Variants in LIPM observed in about 807,000 individuals in gnomAD.
LIPM encodes the protein lipase family member M.
LIPM carries 42 observed loss-of-function variants against 42.4 expected under a neutral mutation model. The ratio of observed to expected loss-of-function variants is 0.99; its 90% CI spans 0.77 to 1.28. The LOEUF (loss-of-function observed/expected upper bound fraction) is 1.28, where lower values mean the gene tolerates loss of function less well. Among genes scored for constraint, LIPM ranks in the 50% most tolerant of loss-of-function variants. The probability of loss-of-function intolerance (pLI) is 0.00; values close to 1 mark genes in which losing one functional copy is unlikely to be tolerated. For missense variants in LIPM, 524 were observed against 520.1 expected (o/e 1.01, Z -0.07); for synonymous variants, 177 against 173.3 (o/e 1.02, Z -0.17).
chr10:88,808,330 T>G lies in LIPM; in HGVS notation c.180T>G (p.Cys60Trp), dbSNP rs1278427946. Residue 60 changes from cysteine (C) to tryptophan (W), a missense_variant, in exon 2 of 9, where the codon TGT becomes TGG. Transcript: ENST00000404743. ...SEIIQHQGYP[C>W]EEYEVATEDG... Reference sequence around the variant, plus strand: ...TCATCCAACATCAAGGCTATCCCTGTGAGGAATATGAAGTCGCAACTGAAG... The same window carrying G: ...TCATCCAACATCAAGGCTATCCCTGGGAGGAATATGAAGTCGCAACTGAAG... 17 of 1,550,364 alleles carry G rather than the reference T, an allele frequency of 1.1e-5. No homozygotes were observed.
chr10:88,809,048 G>A (rs1294741442), intron 2 of LIPM, among the ~76,000 whole-genome samples: 1 of 151,752 alleles, frequency 6.6e-6, no homozygotes, highest in Admixed American at 6.6e-5. Flanking sequence ...TCCGCCTCCT[G>A]GGTTCAAGCA....
At chr10:88,804,592 A>G (rs1014746118) in intron 1 of LIPM, among the ~76,000 whole-genome samples, 1 of 152,074 alleles carries the variant, frequency 6.6e-6, no homozygotes, top group African/African-American at 2.4e-5. Flanking sequence ...AACAGCAAGA[A>G]CCAGCAGTGG....
chr10:88,815,374 A>G lies in LIPM; in HGVS notation c.729A>G (p.Lys243=), dbSNP rs928740656. The G allele has an allele frequency of 1.9e-5, 29 of 1,551,630 alleles. No individual in the cohort carries two copies. In the Admixed American group the frequency reaches 2.9e-4, roughly 16 times the overall value. ...TTTCACAGGGATTGTTTGGCAAAAAAGAATTTCTGTATCAGACCAGATTTC... is the reference window on the plus strand; with the variant it reads ...TTTCACAGGGATTGTTTGGCAAAAAGGAATTTCTGTATCAGACCAGATTTC... ...DMMIKGLFGK[K]EFLYQTRFLR... The change falls in exon 6 of 9, where the codon AAA becomes AAG. Residue 243 remains lysine, a synonymous_variant. Transcript: ENST00000404743.
intron 3 of LIPM, among the ~76,000 whole-genome samples, 171 bp downstream of exon 3, chr10:88,813,466 G>A (rs942293336): frequency 6.6e-6 from 1 of 152,148 alleles, no homozygotes; most frequent in Admixed American, 6.6e-5. Flanking sequence ...TTGAAGTAGT[G>A]AGGAATGCTG....
At chr10:88,805,606 A>G (rs1843576404) in intron 1 of LIPM, among the ~76,000 whole-genome samples, 2 of 152,232 alleles carry the variant, frequency 1.3e-5, no homozygotes, top group South Asian at 4.1e-4. Context: ...TGTTTTCTTA[A>G]GAAGAAATGT....
intron 8 of LIPM, 113 bp downstream of exon 8, chr10:88,818,009 G>T: frequency 1.2e-6 from 1 of 823,460 alleles, no homozygotes; most frequent in Admixed American, 2.4e-5. Flanking sequence ...AATTTAAGCA[G>T]AAAATAATGG....
At chr10:88,810,644 T>G (rs1468196011) in intron 2 of LIPM, among the ~76,000 whole-genome samples, 1 of 152,216 alleles carries the variant, frequency 6.6e-6, no homozygotes, top group African/African-American at 2.4e-5. Context: ...CTTAGTTGGC[T>G]TCAATATCAA....
rs765368181 is a variant in LIPM, at chr10:88,814,533, T to C, written c.468T>C (p.Tyr156=). 2 of 1,547,684 alleles carry C rather than the reference T, an allele frequency of 1.3e-6. No individual in the cohort carries two copies. Among genetic ancestry groups the C allele is most frequent in the African/African-American group, 1.4e-5 (1 of 72,932 alleles). The stretch of plus-strand genomic sequence containing the variant: ...ACTTTGTCTTTTCCCCTTGTAGTTA[T>C]GATGAGATGGCTAGGTTTGACCTTC... ...IDQDEFWAFS[Y]DEMARFDLPA... The change falls in exon 4 of 9, where the codon TAT becomes TAC. Residue 156 remains tyrosine, a synonymous_variant. Transcript: ENST00000404743.
Position 88,820,300 on chromosome 10 carries a change from C to A in LIPM, c.1071C>A (p.Asp357Glu). The change falls in exon 9 of 9, where the codon GAC (aspartate) becomes GAA (glutamate). Residue 357 changes from aspartate to glutamate, a missense_variant. Transcript: ENST00000404743. The stretch of plus-strand genomic sequence containing the variant: ...CAGCAATGTGGACAGGAGGTCAGGA[C>A]TGGCTTTCAAATCCAGAAGACGTGA... ...VPTAMWTGGQ[D>E]WLSNPEDVKM... is the part of the protein sequence containing the mutation. 6.4e-7 allele frequency: 1 copy of A among 1,552,086 alleles called. No homozygotes were observed.
At position 88,815,117 on chromosome 10, in the gene LIPM, C is replaced by G. The variant is rs767255392; in HGVS notation, c.604C>G (p.Leu202Val). The change falls in exon 5 of 9, where the codon CTG (leucine) becomes GTG (valine). Residue 202 changes from leucine (L) to valine (V), a missense_variant. By Grantham distance (32) the Leu-to-Val change is conservative. Coordinates refer to ENST00000404743, the MANE Select transcript of LIPM (RefSeq NM_001128215.1). ...GFIAFSTMPE[L>V]AQKIKMYFAL... The stretch of plus-strand genomic sequence containing the variant: ...TATTGCATTTTCCACCATGCCAGAG[C>G]TGGCTCAGAAAATCAAAATGTATTT... The G allele has an allele frequency of 3.6e-5, 56 of 1,550,592 alleles. No homozygotes were observed. The African/African-American group carries it at 6.7e-4, about 19-fold the overall frequency.
At chr10:88,805,009 G>C (rs944744541) in intron 1 of LIPM, among the ~76,000 whole-genome samples, 1 of 152,138 alleles carries the variant, frequency 6.6e-6, no homozygotes, top group Non-Finnish European at 1.5e-5. Flanking sequence ...GTCCTGCATT[G>C]ATTTGACTCT....
At chr10:88,803,404 T>A (rs1177060317) in intron 1 of LIPM, among the ~76,000 whole-genome samples, 1 of 152,188 alleles carries the variant, frequency 6.6e-6, no homozygotes, top group Non-Finnish European at 1.5e-5. Flanking sequence ...TTTTATTCTT[T>A]TTTTCCATAT....
At position 88,808,253 on chromosome 10, in the gene LIPM, G is replaced by A. The variant is rs12414211; in HGVS notation, c.148-45G>A. The stretch of plus-strand genomic sequence containing the variant: ...CTTACTTTTGGATCATTGAGAATAT[G>A]GCCACAGAGAACTGAACCTAAAAGA... On this transcript the variant is annotated intron_variant, in intron 1 of 8. Coordinates refer to ENST00000404743, the MANE Select transcript of LIPM (RefSeq NM_001128215.1). The A allele has an allele frequency of 0.013, 13,808 of 1,052,772 alleles. 719 individuals carry two copies. In the East Asian group the frequency reaches 0.16, roughly 12 times the overall value. The allele number at this position is 1,052,772 out of a possible 1,614,324, so 65.2% of individuals were successfully genotyped here.
intron 2 of LIPM, among the ~76,000 whole-genome samples, chr10:88,811,789 A>G (rs1843659727): frequency 6.6e-6 from 1 of 152,152 alleles, no homozygotes; most frequent in South Asian, 2.1e-4. Context: ...AAAACCTTTG[A>G]TGGTAAATTT....
intron 2 of LIPM, among the ~76,000 whole-genome samples, chr10:88,811,490 G>A (rs1256373694): frequency 6.6e-6 from 1 of 152,182 alleles, no homozygotes; most frequent in Admixed American, 6.5e-5. Context: ...TAATAGGGCA[G>A]CACCTTATTA....
intron 2 of LIPM, among the ~76,000 whole-genome samples, chr10:88,809,148 T>A (rs1410499417): frequency 4.0e-5 from 6 of 151,784 alleles, no homozygotes; most frequent in Non-Finnish European, 5.9e-5. Context: ...AGAGACAGAG[T>A]TTCTCCATGT....
At chr10:88,804,312 C>G (rs1843561629) in intron 1 of LIPM, among the ~76,000 whole-genome samples, 1 of 152,176 alleles carries the variant, frequency 6.6e-6, no homozygotes, top group Non-Finnish European at 1.5e-5. Flanking sequence ...GCCCCACCCA[C>G]TGCGTGTACC....
chr10:88,817,945 A>G (rs1056104148), intron 8 of LIPM, 49 bp downstream of exon 8: 1 of 1,343,254 alleles, frequency 7.4e-7, no homozygotes, highest in Non-Finnish European at 1.0e-6. Context: ...TTGGAAATGT[A>G]TGACAGGGAC....
At chr10:88,810,731 TA>T (rs1350082409) in intron 2 of LIPM, among the ~76,000 whole-genome samples, 1 of 152,146 alleles carries the variant, frequency 6.6e-6, no homozygotes, top group Non-Finnish European at 1.5e-5. Context: ...CTGCTGGGTG[TA>T]AATTAAATAG....
Sources: allele counts gnomAD v4.1 joint callset (sites outside exome capture counted in the v4.1 genomes callset), GRCh38; gene constraint gnomAD v4.1.1; transcripts MANE v1.5; gene names NCBI Gene and HGNC (gene_info 2026-07-23, HGNC 2026-07-21).